The following TRMT9B variants were observed in gnomAD, a reference collection of about 807,000 sequenced individuals.
TRMT9B encodes the protein probable tRNA methyltransferase 9B.
Under a neutral mutation model 11.5 loss-of-function variants are expected in TRMT9B, and 16 were observed. The ratio of observed to expected loss-of-function variants is 1.39; its 90% CI spans 0.94 to 2.11. The LOEUF is 2.11. Among genes scored for constraint, TRMT9B ranks in the 30% most tolerant of loss-of-function variants. The pLI is 0.00. For synonymous variants in TRMT9B, 274 were observed against 192.4 expected (o/e 1.42, Z -3.51); for missense variants, 941 against 553.8 (o/e 1.70, Z -7.02).
chr8:13,012,625 A>G (rs1003027711), intron 3 of TRMT9B, 59 bp from the exon 4 acceptor site: 8 of 1,518,148 alleles, frequency 5.3e-6, no homozygotes, highest in Non-Finnish European at 7.1e-6. Flanking sequence ...TATGAGACAA[A>G]TGAAGTATTT....
chr8:13,003,812 C>G (rs1378642121), intron 2 of TRMT9B, among the ~76,000 whole-genome samples: 1 of 150,206 alleles, frequency 6.7e-6, no homozygotes, highest in African/African-American at 2.4e-5. Context: ...AGTTAACACA[C>G]AAAAAAAGCA....
intron 2 of TRMT9B, among the ~76,000 whole-genome samples, chr8:12,993,855 C>G (rs1395005767): frequency 1.3e-5 from 2 of 152,204 alleles, no homozygotes; most frequent in Admixed American, 6.5e-5. Context: ...ATGTCAAAAT[C>G]AACTAAAGCA....
intron 2 of TRMT9B, among the ~76,000 whole-genome samples, chr8:12,996,967 TTTA>T (rs1808464973): frequency 1.3e-5 from 1 of 74,300 alleles, no homozygotes; most frequent in African/African-American, 6.0e-5. Context: ...TTTATTTTAT[TTTA>T]TTTTATTTTA....
intron 2 of TRMT9B, among the ~76,000 whole-genome samples, chr8:12,991,791 C>T (rs1971414): frequency 0.24 from 35,992 of 151,818 alleles, 5,240 homozygotes; most frequent in East Asian, 0.59. Flanking sequence ...CTTAGCCAGG[C>T]GTGGTGGTGG....
chr8:13,014,379 G>A (rs1812228382), intron 4 of TRMT9B, among the ~76,000 whole-genome samples: 1 of 152,206 alleles, frequency 6.6e-6, no homozygotes, highest in African/African-American at 2.4e-5. Flanking sequence ...GGTGCCAGCA[G>A]GGTAAGGTTC....
chr8:12,982,955 C>T (rs1805657083), intron 1 of TRMT9B, among the ~76,000 whole-genome samples: 1 of 152,222 alleles, frequency 6.6e-6, no homozygotes, highest in Non-Finnish European at 1.5e-5. Flanking sequence ...TGCGAGCACA[C>T]TAACAAAGTG....
At chr8:12,967,601 A>T (rs535625592) in intron 1 of TRMT9B, among the ~76,000 whole-genome samples, 20 of 152,366 alleles carry the variant, frequency 1.3e-4, no homozygotes, top group African/African-American at 4.3e-4. Context: ...AATTAAATGC[A>T]TCCTTTCTAA....
rs1040105765 is a variant in TRMT9B, at chr8:13,028,782, T to C, written c.*6738T>C. 1 of 165,932 alleles carries C rather than the reference T, an allele frequency of 6.0e-6. No homozygotes were observed. The highest frequency in any genetic ancestry group is 2.4e-5 in the African/African-American group (1 of 41,388). 10.3% of individuals were successfully genotyped at this position (165,932 alleles called of 1,614,324 possible). A position where few individuals can be genotyped will look rare whatever the true frequency, so the allele number is the denominator to read the frequency against. On this transcript the variant is annotated 3_prime_UTR_variant, in exon 5 of 5. Transcript: ENST00000524591. Reference sequence around the variant, plus strand: ...TTTAAGTAAAGACAAACTTTCACCATGTTGGCCAGGCTGGTCTTGAACTCC... The same window carrying C: ...TTTAAGTAAAGACAAACTTTCACCACGTTGGCCAGGCTGGTCTTGAACTCC...
intron 4 of TRMT9B, among the ~76,000 whole-genome samples, chr8:13,019,252 G>C (rs1450207324): frequency 6.6e-6 from 1 of 152,180 alleles, no homozygotes; most frequent in East Asian, 1.9e-4. Flanking sequence ...AGTTATGGGA[G>C]ATACATACAT....
intron 2 of TRMT9B, among the ~76,000 whole-genome samples, chr8:12,998,542 A>G (rs992041155): frequency 6.6e-6 from 1 of 152,240 alleles, no homozygotes; most frequent in East Asian, 1.9e-4. Flanking sequence ...TTCTGATGAC[A>G]GGGCTAAGTG....
chr8:12,993,519 G>T (rs934975101), intron 2 of TRMT9B, among the ~76,000 whole-genome samples: 1 of 152,166 alleles, frequency 6.6e-6, no homozygotes. Context: ...ATAGATGTGG[G>T]GGGTGCAGAG....
At chr8:13,011,345 A>C (rs892893740) in intron 3 of TRMT9B, 7 of 985,194 alleles carry the variant, frequency 7.1e-6, no homozygotes, top group Non-Finnish European at 7.2e-6. Flanking sequence ...AATGAATCTT[A>C]AGTTTGCTTT....
At chr8:13,010,357 A>G in intron 3 of TRMT9B, 1 of 975,692 alleles carries the variant, frequency 1.0e-6, no homozygotes, top group African/African-American at 1.8e-5. Context: ...ATGAAAAAGA[A>G]AGAAGTTCAA....
intron 1 of TRMT9B, among the ~76,000 whole-genome samples, chr8:12,961,350 C>T (rs1177304578): frequency 6.6e-6 from 1 of 151,998 alleles, no homozygotes; most frequent in East Asian, 1.9e-4. Context: ...TTAAAAAAAT[C>T]ATATTTTTTT....
At position 13,019,942 on chromosome 8, in the gene TRMT9B, T is replaced by C. The variant is rs78073723; in HGVS notation, c.329-1066T>C. Among the ~76,000 whole-genome samples the C allele has an allele frequency of 6.5e-3, 994 of 152,358 alleles. 11 individuals carry two copies. The highest frequency in any genetic ancestry group is 0.021 in the Admixed American group (318 of 15,306). ...GGTAGAGATACCAAGGTTTGTGTGC[T>C]GTTGATAGGAATGAAAACTTGATTG... is the stretch of plus-strand genomic sequence containing the variant. On this transcript the variant is annotated intron_variant, in intron 4 of 4. Coordinates refer to ENST00000524591, the MANE Select transcript of TRMT9B (RefSeq NM_020844.3).
chr8:13,013,762 C>G (rs932822167), intron 4 of TRMT9B, among the ~76,000 whole-genome samples: 5 of 151,984 alleles, frequency 3.3e-5, no homozygotes, highest in African/African-American at 1.2e-4. Flanking sequence ...ACCAGCCTGG[C>G]CAACATGTGA....
intron 1 of TRMT9B, among the ~76,000 whole-genome samples, chr8:12,970,726 G>T (rs1463368060): frequency 6.6e-6 from 1 of 152,210 alleles, no homozygotes; most frequent in Non-Finnish European, 1.5e-5. Context: ...TTATTTGGAA[G>T]TGGAATTAGG....
chr8:12,987,761 A>C (rs1396912761), intron 1 of TRMT9B, among the ~76,000 whole-genome samples: 1 of 152,086 alleles, frequency 6.6e-6, no homozygotes, highest in Non-Finnish European at 1.5e-5. Flanking sequence ...GCCTACCTTA[A>C]ACGTGCTCAG....
rs770866555 is a variant in TRMT9B at position 13,012,715 on chromosome 8, C to T, written c.186C>T (p.Asn62=). The T allele has an allele frequency of 5.0e-6, 8 of 1,613,206 alleles. No individual in the cohort carries two copies. Among genetic ancestry groups the T allele is most frequent in the African/African-American group, 1.3e-5 (1 of 74,880 alleles). ...GGACTGGAAAATATCTTAAAGTGAA[C>T]AGCCAGGTACATACCGTGGGCTGTG... is the stretch of plus-strand genomic sequence containing the variant. The part of the protein sequence containing the change: ...GCGTGKYLKV[N]SQVHTVGCDY... The change falls in exon 4 of 5, where the codon AAC becomes AAT. Residue 62 remains asparagine (N), a synonymous_variant. Coordinates refer to ENST00000524591, the MANE Select transcript of TRMT9B (RefSeq NM_020844.3).
Sources: allele counts gnomAD v4.1 joint callset (sites outside exome capture counted in the v4.1 genomes callset), GRCh38; gene constraint gnomAD v4.1.1; transcripts MANE v1.5; gene names NCBI Gene and HGNC (gene_info 2026-07-23, HGNC 2026-07-21).